UGT1A9: variants seen among roughly 807,000 people sequenced by gnomAD.
UGT1A9 encodes the protein UDP-glucuronosyltransferase 1A9.
UGT1A9 carries 35 observed loss-of-function variants against 45.0 expected under a neutral mutation model. The ratio of observed to expected loss-of-function variants is 0.78; its 90% CI spans 0.59 to 1.03. The LOEUF is 1.03. Ranked by LOEUF, UGT1A9 falls within the 50% of genes least tolerant of loss-of-function variation. The pLI is 0.00. For synonymous variants in UGT1A9, 278 were observed against 250.6 expected (o/e 1.11, Z -1.03); for missense variants, 687 against 666.6 (o/e 1.03, Z -0.34).
At chr2:233,687,634 GGC>G (rs2125537846) in intron 1 of UGT1A9, among the ~76,000 whole-genome samples, 1 of 151,318 alleles carries the variant, frequency 6.6e-6, no homozygotes, top group African/African-American at 2.4e-5. Context: ...TGAGTGTGGT[GGC>G]TCACACATGT....
At chr2:233,771,979 G>A (rs35456228) in intron 4 of UGT1A9, among the ~76,000 whole-genome samples, 135 of 152,326 alleles carry the variant, frequency 8.9e-4, no homozygotes, top group African/African-American at 3.2e-3. Context: ...GCCAGACATA[G>A]TGGTGCATGA....
chr2:233,762,199 A>G (rs532806601), intron 1 of UGT1A9, among the ~76,000 whole-genome samples: 7 of 152,296 alleles, frequency 4.6e-5, no homozygotes, highest in Admixed American at 6.5e-5. Context: ...ATGGGTCTGC[A>G]TGTATTTGGC....
intron 1 of UGT1A9, among the ~76,000 whole-genome samples, chr2:233,764,258 T>C (rs1698520087): frequency 1.3e-5 from 2 of 152,152 alleles, no homozygotes; most frequent in Non-Finnish European, 2.9e-5. Context: ...AGTTAATATG[T>C]TGCTTCACTC....
chr2:233,765,595 AG>A (rs1698878767), intron 1 of UGT1A9, among the ~76,000 whole-genome samples: 1 of 152,004 alleles, frequency 6.6e-6, no homozygotes, highest in South Asian at 2.1e-4. Flanking sequence ...AACACACACC[AG>A]GGCTTGTGGC....
Position 233,768,444 on chromosome 2 carries a change from G to T in UGT1A9, c.1295+5G>T. 3.7e-6 allele frequency: 6 copies of T among 1,612,940 alleles called. No homozygotes were observed. The highest frequency in any genetic ancestry group is 5.1e-6 in the Non-Finnish European group (6 of 1,179,422). Reference sequence around the variant, plus strand: ...AGCAGTCATCAATGACAAAAGGTAAGAAAGAAGATACAGAAGAATACTTTG... The same window carrying T: ...AGCAGTCATCAATGACAAAAGGTAATAAAGAAGATACAGAAGAATACTTTG... On this transcript the variant is annotated splice_donor_5th_base_variant and intron_variant, in intron 4 of 4. Coordinates refer to ENST00000354728, the MANE Select transcript of UGT1A9 (RefSeq NM_021027.3).
chr2:233,685,520 T>A (rs1295833237), intron 1 of UGT1A9, among the ~76,000 whole-genome samples: 1 of 152,206 alleles, frequency 6.6e-6, no homozygotes, highest in African/African-American at 2.4e-5. Flanking sequence ...GATCTATGCT[T>A]TCCCCATTGC....
In UGT1A9 at chr2:233,671,960, C is replaced by G. The variant is rs756104570; in HGVS notation, c.26C>G (p.Pro9Arg). 1 of 1,613,500 alleles carries G rather than the reference C, an allele frequency of 6.2e-7. No individual in the cohort carries two copies. Among genetic ancestry groups the G allele is most frequent in the Non-Finnish European group, 8.5e-7 (1 of 1,179,682 alleles). MACTGWTS[P>R]LPLCVCLLLT... ...ATGGCTTGCACAGGGTGGACCAGCC[C>G]CCTTCCTCTATGTGTGTGTCTGCTG... Residue 9 changes from proline (P) to arginine (R), a missense_variant, in exon 1 of 5, where the codon CCC becomes CGC. Pro to Arg is a moderately radical substitution (Grantham distance 103). Transcript: ENST00000354728.
rs753289474 is a variant in UGT1A9, at chr2:233,769,632, G to A, written c.1295+1193G>A. The A allele has an allele frequency of 1.9e-6, 3 of 1,611,424 alleles. No individual in the cohort carries two copies. The highest frequency in any genetic ancestry group is 2.5e-6 in the Non-Finnish European group (3 of 1,179,338). On this transcript the variant is annotated intron_variant, in intron 4 of 4. Coordinates refer to ENST00000354728, the MANE Select transcript of UGT1A9 (RefSeq NM_021027.3). The surrounding 1 kb of genome is among the most constrained non-coding windows in gnomAD (Gnocchi z 4.4). ...CACCAGCTTGAGCAAGGGACAACAGGGGAGGACTGATGACTGACTTCCCAC... is the reference window on the plus strand; with the variant it reads ...CACCAGCTTGAGCAAGGGACAACAGAGGAGGACTGATGACTGACTTCCCAC...
chr2:233,752,638 G>C (rs1306157736), intron 1 of UGT1A9: 1 of 152,130 alleles, frequency 6.6e-6, no homozygotes, highest in Non-Finnish European at 1.5e-5. Context: ...TGTTGTCTTA[G>C]TTACTGGGAA....
intron 1 of UGT1A9, among the ~76,000 whole-genome samples, chr2:233,703,920 T>G (rs1316054867): frequency 6.6e-6 from 1 of 151,942 alleles, no homozygotes; most frequent in Non-Finnish European, 1.5e-5. Flanking sequence ...AGACAAAATC[T>G]CATTCTGTTA....
At chr2:233,712,924 G>C in intron 1 of UGT1A9, 3 of 1,611,998 alleles carry the variant, frequency 1.9e-6, no homozygotes, top group Non-Finnish European at 1.7e-6. Flanking sequence ...AGGTAATTAA[G>C]ACGAAGGAAA....
At chr2:233,729,094 G>A in intron 1 of UGT1A9, 1 of 1,612,652 alleles carries the variant, frequency 6.2e-7, no homozygotes, top group Non-Finnish European at 8.5e-7. Context: ...ACAGCGTGGG[G>A]TGGACAGTCA....
chr2:233,768,154 C>T (rs767452412), intron 3 of UGT1A9, 66 bp from the exon 4 acceptor site: 203 of 1,612,642 alleles, frequency 1.3e-4, no homozygotes, highest in Non-Finnish European at 1.7e-4. Flanking sequence ...TTTTCAGAAC[C>T]TAGATGTGTC....
intron 4 of UGT1A9, chr2:233,771,470 T>C (rs1389058308): frequency 2.0e-5 from 3 of 152,260 alleles, no homozygotes; most frequent in African/African-American, 7.2e-5. Context: ...TCATGCTAAA[T>C]CTAGCACCCA....
At chr2:233,736,597 C>G (rs1162489027) in intron 1 of UGT1A9, among the ~76,000 whole-genome samples, 1 of 152,166 alleles carries the variant, frequency 6.6e-6, no homozygotes, top group African/African-American at 2.4e-5. Flanking sequence ...TGCTTATGCG[C>G]TATGGTTTTT....
At chr2:233,757,935 C>T (rs12052787) in intron 1 of UGT1A9, among the ~76,000 whole-genome samples, 10,310 of 152,142 alleles carry the variant, frequency 0.068, 485 homozygotes, top group East Asian at 0.2. Flanking sequence ...CAAAGCAAGA[C>T]CATCATATTG....
chr2:233,682,609 C>T (rs367786048), intron 1 of UGT1A9: 1 of 1,613,626 alleles, frequency 6.2e-7, no homozygotes, highest in Non-Finnish European at 8.5e-7. Context: ...CCTATTTTTT[C>T]AAAAATGTCT....
intron 1 of UGT1A9, chr2:233,719,231 G>C: frequency 6.2e-7 from 1 of 1,614,198 alleles, no homozygotes; most frequent in Middle Eastern, 1.6e-4. Context: ...ATGAGGCCCT[G>C]ATCAGGCACC....
chr2:233,679,950 T>C (rs1470345230), intron 1 of UGT1A9, among the ~76,000 whole-genome samples: 1 of 152,198 alleles, frequency 6.6e-6, no homozygotes, highest in Non-Finnish European at 1.5e-5. Context: ...ATGCGAGGTT[T>C]GGCTCCTGCT....
Sources: allele counts gnomAD v4.1 joint callset (sites outside exome capture counted in the v4.1 genomes callset), GRCh38; gene constraint gnomAD v4.1.1; non-coding constraint Gnocchi (gnomAD v3.1); transcripts MANE v1.5; gene names NCBI Gene and HGNC (gene_info 2026-07-23, HGNC 2026-07-21).